Variants in SNTG2 observed in about 807,000 individuals in gnomAD.
SNTG2 encodes gamma-2-syntrophin.
Under a neutral mutation model 70.9 loss-of-function variants are expected in SNTG2, and 74 were observed. The ratio of observed to expected loss-of-function variants is 1.04; its 90% confidence interval spans 0.86 to 1.27. The LOEUF (loss-of-function observed/expected upper bound fraction) is 1.27. SNTG2 is among the 50% of genes most tolerant of loss of function. The probability of loss-of-function intolerance (pLI) is 0.00; values close to 1 mark genes in which losing one functional copy is unlikely to be tolerated. For synonymous variants in SNTG2, 278 were observed against 273.8 expected, an observed-to-expected ratio of 1.02 and a Z score of -0.15; for missense variants, 717 against 690.7, an observed-to-expected ratio of 1.04 and a Z score of -0.43.
At chr2:1,162,016 G>C (rs899925796) in intron 6 of SNTG2, among the ~76,000 whole-genome samples, 13 of 146,606 alleles carry the variant, frequency 8.9e-5, no homozygotes, top group Non-Finnish European at 1.8e-4. Flanking sequence ...GGAGCTTGCA[G>C]TGGGCCCAGA....
At chr2:1,222,242 T>A (rs1396639907) in intron 9 of SNTG2, among the ~76,000 whole-genome samples, 1 of 152,266 alleles carries the variant, frequency 6.6e-6, no homozygotes, top group Non-Finnish European at 1.5e-5. Context: ...TTCGTTTTTT[T>A]TCATTTTGAC....
At chr2:1,053,875 C>T (rs921232601) in intron 1 of SNTG2, among the ~76,000 whole-genome samples, 9 of 151,996 alleles carry the variant, frequency 5.9e-5, no homozygotes, top group Non-Finnish European at 1.2e-4. Flanking sequence ...CCCTCCTTCT[C>T]ACCTCCTCTT....
At chr2:1,263,346 A>G (rs1287590380) in intron 13 of SNTG2, among the ~76,000 whole-genome samples, 1 of 152,228 alleles carries the variant, frequency 6.6e-6, no homozygotes, top group Non-Finnish European at 1.5e-5. Flanking sequence ...TTGTCCTATT[A>G]TTAAGGTTAT....
intron 16 of SNTG2, among the ~76,000 whole-genome samples, chr2:1,328,050 A>G (rs1476186479): frequency 6.6e-6 from 1 of 152,136 alleles, no homozygotes; most frequent in Non-Finnish European, 1.5e-5. Flanking sequence ...AGCACGTCAC[A>G]CAGCCAGAGC....
chr2:950,970 AGC>A lies in SNTG2; in HGVS notation c.-23_-22del. The A allele has an allele frequency of 8.3e-7, 1 of 1,202,394 alleles. No individual in the cohort carries two copies. The highest frequency in any genetic ancestry group is 1.0e-6 in the Non-Finnish European group (1 of 963,168). 74.5% of individuals were successfully genotyped at this position (1,202,394 alleles called of 1,614,324 possible). ...CTGGCGTTGAGCTCGGCCGGCCCGG[AGC>A]GCGGACCCAGCCGCAGGGGCGGCGA... On this transcript the variant is annotated 5_prime_UTR_variant, in exon 1 of 17. Transcript: ENST00000308624.
intron 4 of SNTG2, among the ~76,000 whole-genome samples, chr2:1,118,999 GC>G (rs1329659209): frequency 6.6e-6 from 1 of 151,850 alleles, no homozygotes; most frequent in African/African-American, 2.4e-5. Flanking sequence ...AAAGTCAAAG[GC>G]AAAAAAAGGA....
chr2:1,030,124 C>T (rs1056159758), intron 1 of SNTG2, among the ~76,000 whole-genome samples: 5 of 152,138 alleles, frequency 3.3e-5, no homozygotes, highest in Non-Finnish European at 4.4e-5. Flanking sequence ...TTTTGTACAT[C>T]GATCATAAAT....
At chr2:972,380 G>A (rs1660771485) in intron 1 of SNTG2, among the ~76,000 whole-genome samples, 1 of 152,138 alleles carries the variant, frequency 6.6e-6, no homozygotes. Flanking sequence ...ACCATTGTAT[G>A]AGGTCCTTCT....
chr2:1,162,011 T>C (rs568217340), intron 6 of SNTG2, among the ~76,000 whole-genome samples: 37 of 144,268 alleles, frequency 2.6e-4, no homozygotes, highest in East Asian at 1.5e-3. Flanking sequence ...GAGGCGGAGC[T>C]TGCAGTGGGC....
At chr2:1,220,426 A>T (rs1440937396) in intron 9 of SNTG2, among the ~76,000 whole-genome samples, 1 of 152,058 alleles carries the variant, frequency 6.6e-6, no homozygotes, top group Non-Finnish European at 1.5e-5. Context: ...GACCTATGGG[A>T]CCTTTGTGGT....
At chr2:1,083,265 C>G (rs1016956793) in intron 1 of SNTG2, among the ~76,000 whole-genome samples, 1 of 147,024 alleles carries the variant, frequency 6.8e-6, no homozygotes, top group Non-Finnish European at 1.5e-5. Flanking sequence ...AAAAAACAAA[C>G]GCCTGGCTAA....
chr2:1,178,028 G>A (rs1671599982), intron 8 of SNTG2, among the ~76,000 whole-genome samples: 1 of 151,912 alleles, frequency 6.6e-6, no homozygotes, highest in Admixed American at 6.6e-5. Context: ...AACACTTCTG[G>A]CATGATATCA....
At chr2:1,296,017 G>A (rs1164247678) in intron 14 of SNTG2, among the ~76,000 whole-genome samples, 1 of 150,398 alleles carries the variant, frequency 6.6e-6, no homozygotes, top group African/African-American at 2.5e-5. Flanking sequence ...CACCATCGAT[G>A]GCTTTCACTG....
chr2:1,312,334 G>A (rs1215926401), intron 15 of SNTG2, among the ~76,000 whole-genome samples: 2 of 152,164 alleles, frequency 1.3e-5, no homozygotes, highest in East Asian at 3.9e-4. Context: ...AGGCCGGCGG[G>A]GCCTCTGGAC....
rs140213275 is a variant in SNTG2 at position 1,113,872 on chromosome 2, C to T, written c.325+15462C>T. ...TGTACTAAGTGAGGATTAACCCTTA[C>T]AGTCCTTTCAGAGGGATGGTGTGTA... On this transcript the variant is annotated intron_variant, in intron 4 of 16. Transcript: ENST00000308624. Among the ~76,000 whole-genome samples the T allele has an allele frequency of 3.8e-3, 579 of 151,738 alleles. 3 individuals carry two copies. Among genetic ancestry groups the T allele is most frequent in the African/African-American group, 0.013 (542 of 41,258 alleles).
intron 4 of SNTG2, among the ~76,000 whole-genome samples, chr2:1,098,627 A>T (rs1305041925): frequency 6.6e-6 from 1 of 152,172 alleles, no homozygotes; most frequent in Non-Finnish European, 1.5e-5. Context: ...CTTAAGAGAG[A>T]CACTAATTCT....
At chr2:1,184,719 C>T (rs28463086) in intron 8 of SNTG2, among the ~76,000 whole-genome samples, 47,965 of 152,096 alleles carry the variant, frequency 0.32, 8,155 homozygotes, top group East Asian at 0.66. Flanking sequence ...TCTGCCCCCA[C>T]GATTCAATCA....
chr2:1,115,443 G>C (rs1441613980), intron 4 of SNTG2, among the ~76,000 whole-genome samples: 2 of 151,302 alleles, frequency 1.3e-5, no homozygotes, highest in African/African-American at 4.9e-5. Context: ...ACTAAGTGAG[G>C]TTTTACCCTT....
intron 13 of SNTG2, among the ~76,000 whole-genome samples, chr2:1,266,399 C>T (rs2148181662): frequency 6.6e-6 from 1 of 152,306 alleles, no homozygotes; most frequent in East Asian, 1.9e-4. Context: ...CACAGGCTGG[C>T]AGCATCCGAA....
Sources: allele counts gnomAD v4.1 joint callset (sites outside exome capture counted in the v4.1 genomes callset), GRCh38; gene constraint gnomAD v4.1.1; transcripts MANE v1.5; gene names NCBI Gene and HGNC (gene_info 2026-07-23, HGNC 2026-07-21).